ZBTB7C: variants seen among roughly 807,000 people sequenced by gnomAD.
ZBTB7C encodes the protein zinc finger and BTB domain-containing protein 7C.
In ZBTB7C, 8 loss-of-function variants were observed where a neutral mutation model predicts 25.7. That is an observed-to-expected ratio of 0.31 (90% CI 0.18 to 0.56). The LOEUF (loss-of-function observed/expected upper bound fraction) is 0.56. Among genes scored for constraint, ZBTB7C ranks in the 20% least tolerant of loss-of-function variants. The pLI, the probability that ZBTB7C is intolerant of heterozygous loss-of-function variation, is 0.91. For synonymous variants in ZBTB7C, 394 were observed against 369.0 expected (o/e 1.07, Z -0.78); for missense variants, 824 against 855.2 (o/e 0.96, Z 0.46).
At chr18:48,180,568 C>T (rs1399117068) in intron 3 of ZBTB7C, 5 of 351,030 alleles carry the variant, frequency 1.4e-5, no homozygotes, top group Non-Finnish European at 2.2e-5. Flanking sequence ...AGCACAGCCC[C>T]AAGGGCCCAG....
intron 4 of ZBTB7C, among the ~76,000 whole-genome samples, chr18:48,035,760 A>G (rs1598748249): frequency 6.6e-6 from 1 of 152,290 alleles, no homozygotes; most frequent in East Asian, 1.9e-4. Flanking sequence ...CCTAGGCATC[A>G]CCTCTGGCCG....
At chr18:48,329,247 C>T (rs183505340) in intron 2 of ZBTB7C, among the ~76,000 whole-genome samples, 66 of 152,330 alleles carry the variant, frequency 4.3e-4, no homozygotes, top group Non-Finnish European at 6.5e-4. Context: ...GAAGGCCCAG[C>T]GGCCTCTTCC....
chr18:48,317,257 C>CAAA (rs71165318), intron 2 of ZBTB7C, among the ~76,000 whole-genome samples: 19 of 69,362 alleles, frequency 2.7e-4, no homozygotes, highest in African/African-American at 7.3e-4. Flanking sequence ...AACTCCGTCT[C>CAAA]AAAAAAAAAA....
At position 48,262,857 on chromosome 18, in the gene ZBTB7C, C is replaced by A. The variant is rs115743320; in HGVS notation, c.-79+75317G>T. Among the ~76,000 whole-genome samples, 698 of 152,206 alleles carry A rather than the reference C, an allele frequency of 4.6e-3. 4 individuals are homozygous for A. The highest frequency in any genetic ancestry group is 0.016 in the African/African-American group (662 of 41,526). On this transcript the variant is annotated intron_variant, in intron 2 of 4. Coordinates refer to ENST00000590800, the MANE Select transcript of ZBTB7C (RefSeq NM_001318841.2). ...AGACCAGTTATAGAGCCTGACAGTG[C>A]CCAGCAGCCAGTATCACTGGATGCA...
intron 3 of ZBTB7C, chr18:48,149,373 G>A (rs549186284): frequency 6.6e-6 from 1 of 152,380 alleles, no homozygotes; most frequent in South Asian, 2.1e-4. Context: ...CTCCGGGAAA[G>A]CATCTTCTCT....
intron 2 of ZBTB7C, among the ~76,000 whole-genome samples, chr18:48,207,618 C>T (rs775696723): frequency 0.078 from 8,035 of 102,810 alleles, 294 homozygotes; most frequent in Non-Finnish European, 0.13. Flanking sequence ...TCTATCTATC[C>T]ATCTAAAATA....
At chr18:48,047,631 C>G (rs1368987120) in intron 3 of ZBTB7C, among the ~76,000 whole-genome samples, 1 of 152,114 alleles carries the variant, frequency 6.6e-6, no homozygotes, top group African/African-American at 2.4e-5. Flanking sequence ...TCCAAGCAAC[C>G]CTGTCTGAAA....
At chr18:48,241,743 G>A (rs552650824) in intron 2 of ZBTB7C, among the ~76,000 whole-genome samples, 6 of 152,140 alleles carry the variant, frequency 3.9e-5, no homozygotes, top group African/African-American at 9.6e-5. Flanking sequence ...AAATGCCTAC[G>A]TCAAAAAGTC....
intron 3 of ZBTB7C, among the ~76,000 whole-genome samples, chr18:48,183,109 T>C (rs2041969495): frequency 6.6e-6 from 1 of 152,226 alleles, no homozygotes; most frequent in Non-Finnish European, 1.5e-5. Context: ...AAAGTTCTTA[T>C]GCATTTTAAA....
chr18:48,218,238 C>T (rs965959324), intron 2 of ZBTB7C, among the ~76,000 whole-genome samples: 3 of 152,220 alleles, frequency 2.0e-5, no homozygotes, highest in African/African-American at 7.2e-5. Flanking sequence ...GGTGACAGCC[C>T]ATTCCCCATA....
intron 2 of ZBTB7C, among the ~76,000 whole-genome samples, chr18:48,189,065 G>A (rs1208205443): frequency 6.6e-6 from 1 of 152,202 alleles, no homozygotes; most frequent in Non-Finnish European, 1.5e-5. Context: ...TCCACCACAA[G>A]CTGTAGCTCA....
At chr18:48,299,528 A>G (rs2045491210) in intron 2 of ZBTB7C, among the ~76,000 whole-genome samples, 1 of 152,242 alleles carries the variant, frequency 6.6e-6, no homozygotes, top group Non-Finnish European at 1.5e-5. Context: ...GGATCTTCTC[A>G]TAACTCAACC....
intron 1 of ZBTB7C, among the ~76,000 whole-genome samples, chr18:48,373,587 C>T (rs529576247): frequency 3.5e-4 from 54 of 152,242 alleles, no homozygotes; most frequent in Non-Finnish European, 3.8e-4. Context: ...ATCATGGGGG[C>T]GGATTCTTCA....
intron 3 of ZBTB7C, among the ~76,000 whole-genome samples, chr18:48,074,824 C>A (rs1478073466): frequency 6.6e-6 from 1 of 152,206 alleles, no homozygotes; most frequent in Non-Finnish European, 1.5e-5. Flanking sequence ...GGAAAAATGG[C>A]AGGATCAAGG....
At chr18:48,075,389 C>T (rs2037723268) in intron 3 of ZBTB7C, among the ~76,000 whole-genome samples, 1 of 152,182 alleles carries the variant, frequency 6.6e-6, no homozygotes, top group Non-Finnish European at 1.5e-5. Flanking sequence ...AAGCCCAGTG[C>T]CCAATAAGGA....
intron 3 of ZBTB7C, among the ~76,000 whole-genome samples, chr18:48,044,467 C>A (rs1350830013): frequency 6.6e-6 from 1 of 152,244 alleles, no homozygotes; most frequent in Admixed American, 6.5e-5. Flanking sequence ...GGTTGCATGC[C>A]AGCAGGCTCC....
intron 4 of ZBTB7C, among the ~76,000 whole-genome samples, chr18:48,038,173 G>A (rs1028856959): frequency 6.6e-6 from 1 of 152,088 alleles, no homozygotes; most frequent in African/African-American, 2.4e-5. Context: ...GCTCTGGGGA[G>A]TAACAGGAGC....
At chr18:48,059,461 C>A (rs1186056989) in intron 3 of ZBTB7C, among the ~76,000 whole-genome samples, 2 of 152,092 alleles carry the variant, frequency 1.3e-5, no homozygotes, top group East Asian at 3.9e-4. Flanking sequence ...AACCTCCCCA[C>A]CTGAGACCTA....
At chr18:48,368,688 C>T (rs974286356) in intron 1 of ZBTB7C, among the ~76,000 whole-genome samples, 5 of 152,086 alleles carry the variant, frequency 3.3e-5, no homozygotes, top group Non-Finnish European at 7.4e-5. Context: ...GTCTTGAAAA[C>T]GTTCAGAGAG....
Sources: allele counts gnomAD v4.1 joint callset (sites outside exome capture counted in the v4.1 genomes callset), GRCh38; gene constraint gnomAD v4.1.1; transcripts MANE v1.5; gene names NCBI Gene and HGNC (gene_info 2026-07-23, HGNC 2026-07-21).